Variants in HOXD10 observed in about 807,000 individuals in gnomAD.
The protein encoded by HOXD10 is homeobox D10.
HOXD10 carries 15 observed loss-of-function variants against 27.0 expected under a neutral mutation model. The observed-to-expected ratio is 0.56, with a 90% confidence interval of 0.37 to 0.85. The LOEUF (loss-of-function observed/expected upper bound fraction) is 0.85, where lower values mean the gene tolerates loss of function less well. HOXD10 is among the 40% of genes least tolerant of loss of function. The pLI is 0.00. For synonymous variants in HOXD10, 178 were observed against 160.9 expected (o/e 1.11, Z -0.80); for missense variants, 440 against 430.4 (o/e 1.02, Z -0.20).
Position 176,117,062 on chromosome 2 carries a change from C to T in HOXD10, c.229C>T (p.Gln77Ter). The T allele has an allele frequency of 6.2e-7, 1 of 1,614,170 alleles. No homozygotes were observed. The highest frequency in any genetic ancestry group is 8.5e-7 in the Non-Finnish European group (1 of 1,180,024). The change falls in exon 1 of 2, where the codon CAA (glutamine) becomes TAA (stop). Residue 77 changes from glutamine (Q) to a stop codon, truncating the protein, a stop_gained. Coordinates refer to ENST00000249501, the MANE Select transcript of HOXD10 (RefSeq NM_002148.4). LOFTEE classifies it high-confidence loss of function. ...TATGAATGTGCATCCTTATATACCTCAAGTAGACAGTTGGACAGATCCGAA... is the reference window on the plus strand; with the variant it reads ...TATGAATGTGCATCCTTATATACCTTAAGTAGACAGTTGGACAGATCCGAA... ...MGMNVHPYIP[Q>*]VDSWTDPNRS... is the part of the protein sequence containing the mutation.
In HOXD10 at chr2:176,119,033, G is replaced by A. The variant is rs566157436; in HGVS notation, c.825G>A (p.Lys275=). ...SGRKKRCPYT[K]HQTLELEKEF... ...GAAAGAAGAGGTGCCCTTACACTAA[G>A]CACCAAACGCTGGAATTAGAAAAAG... Residue 275 remains lysine (K), a synonymous_variant, in exon 2 of 2, where the codon AAG becomes AAA. Transcript: ENST00000249501. 2 of 1,613,960 alleles carry A rather than the reference G, an allele frequency of 1.2e-6. No individual in the cohort carries two copies. Among genetic ancestry groups the A allele is most frequent in the African/African-American group, 1.3e-5 (1 of 75,012 alleles).
chr2:176,118,252 G>A (rs968600922), intron 1 of HOXD10, among the ~76,000 whole-genome samples: 11 of 152,220 alleles, frequency 7.2e-5, no homozygotes, highest in Admixed American at 1.3e-4. Context: ...CTGGCTTTTT[G>A]AGAAGGAACC....
In HOXD10 at chr2:176,116,928, C is replaced by T. The variant is rs757662934; in HGVS notation, c.95C>T (p.Ala32Val). 27 of 1,613,994 alleles carry T rather than the reference C, an allele frequency of 1.7e-5. No homozygotes were observed. Among genetic ancestry groups the T allele is most frequent in the Non-Finnish European group, 2.2e-5 (26 of 1,180,002 alleles). The change falls in exon 1 of 2, where the codon GCC becomes GTC. Residue 32 changes from alanine to valine, a missense_variant. Transcript: ENST00000249501. ...CRSDSFYSSSASMYMPPPSAD... is the reference protein window; with the variant it reads ...CRSDSFYSSSVSMYMPPPSAD... The stretch of plus-strand genomic sequence containing the variant: ...AGTGACAGTTTTTATTCCAGCAGCG[C>T]CAGCATGTACATGCCACCACCTAGC...
chr2:176,119,330 C>T lies in HOXD10; in HGVS notation c.*99C>T, dbSNP rs1306881165. The T allele has an allele frequency of 2.2e-5, 26 of 1,192,622 alleles. No individual in the cohort carries two copies. Among genetic ancestry groups the T allele is most frequent in the Non-Finnish European group, 3.2e-5 (26 of 820,208 alleles). The allele number at this position is 1,192,622 out of a possible 1,614,324, so 73.9% of individuals were successfully genotyped here. On this transcript the variant is annotated 3_prime_UTR_variant, in exon 2 of 2. Transcript: ENST00000249501. ...GAGGACTGGGAAAGCGGAAACAAAA[C>T]CTTCACCGCTCTTTGTTTGTTGTTT... is the stretch of plus-strand genomic sequence containing the variant.
chr2:176,119,185 G>A lies in HOXD10; in HGVS notation c.977G>A (p.Arg326Gln), dbSNP rs1401258981. The A allele has an allele frequency of 6.2e-7, 1 of 1,613,858 alleles. No homozygotes were observed. The highest frequency in any genetic ancestry group is 8.5e-7 in the Non-Finnish European group (1 of 1,180,002). The change falls in exon 2 of 2, where the codon CGA (arginine) becomes CAA (glutamine). Residue 326 changes from arginine (R) to glutamine (Q), a missense_variant. By Grantham distance (43) the Arg-to-Gln change is conservative (BLOSUM62 1). Coordinates refer to ENST00000249501, the MANE Select transcript of HOXD10 (RefSeq NM_002148.4). Reference protein sequence around the residue: ...NRRMKLKKMSRENRIRELTAN... With the variant: ...NRRMKLKKMSQENRIRELTAN... ...CGAATGAAACTCAAGAAGATGAGCCGAGAGAACCGGATCCGAGAACTGACC... is the reference window on the plus strand; with the variant it reads ...CGAATGAAACTCAAGAAGATGAGCCAAGAGAACCGGATCCGAGAACTGACC...
At chr2:176,118,262 C>T (rs768510480) in intron 1 of HOXD10, among the ~76,000 whole-genome samples, 58 of 152,164 alleles carry the variant, frequency 3.8e-4, no homozygotes, top group Non-Finnish European at 8.4e-4. Context: ...GAGAAGGAAC[C>T]CTCCTCCTCT....
chr2:176,117,033 T>G lies in HOXD10; in HGVS notation c.200T>G (p.Met67Arg). 6.2e-7 allele frequency: 1 copy of G among 1,614,176 alleles called. No individual in the cohort carries two copies. The highest frequency in any genetic ancestry group is 8.5e-7 in the Non-Finnish European group (1 of 1,180,036). Residue 67 changes from methionine (M) to arginine (R), a missense_variant, in exon 1 of 2, where the codon ATG (methionine) becomes AGG (arginine). Met to Arg is a moderately conservative substitution (Grantham distance 91). Transcript: ENST00000249501. ...AAAAGAGAAGTGAACCACCAAAATA[T>G]GGGTATGAATGTGCATCCTTATATA... Reference protein sequence around the residue: ...LAKREVNHQNMGMNVHPYIPQ... With the variant: ...LAKREVNHQNRGMNVHPYIPQ...
rs1689820511 is a variant in HOXD10 at position 176,119,135 on chromosome 2, G to A, written c.927G>A (p.Gln309=). The A allele has an allele frequency of 4.3e-6, 7 of 1,614,012 alleles. No individual in the cohort carries two copies. The highest frequency in any genetic ancestry group is 1.3e-5 in the African/African-American group (1 of 74,984). ...AGAGCGTTAACCTCACCGACAGGCA[G>A]GTCAAGATTTGGTTTCAAAACCGCC... The part of the protein sequence containing the change: ...ISKSVNLTDR[Q]VKIWFQNRRM... The change falls in exon 2 of 2, where the codon CAG becomes CAA. Residue 309 remains glutamine, a synonymous_variant. Coordinates refer to ENST00000249501, the MANE Select transcript of HOXD10 (RefSeq NM_002148.4).
At chr2:176,117,980 G>A (rs914159755) in intron 1 of HOXD10, among the ~76,000 whole-genome samples, 1 of 152,242 alleles carries the variant, frequency 6.6e-6, no homozygotes, top group Non-Finnish European at 1.5e-5. Flanking sequence ...CACCGTGTTC[G>A]TGTTCAAGTG....
Position 176,116,898 on chromosome 2 carries a change from G to A in HOXD10, c.65G>A (p.Cys22Tyr). The change falls in exon 1 of 2, where the codon TGC (cysteine) becomes TAC (tyrosine). Residue 22 changes from cysteine to tyrosine, a missense_variant. Cys to Tyr is a radical substitution (Grantham distance 194, BLOSUM62 -2). Transcript: ENST00000249501. ...TTAGTAGATTCCTTGATCAGTGCCTGCAGGAGTGACAGTTTTTATTCCAGC... is the reference window on the plus strand; with the variant it reads ...TTAGTAGATTCCTTGATCAGTGCCTACAGGAGTGACAGTTTTTATTCCAGC... ...TFLVDSLISA[C>Y]RSDSFYSSSA... 2 of 1,614,070 alleles carry A rather than the reference G, an allele frequency of 1.2e-6. No homozygotes were observed. Among genetic ancestry groups the A allele is most frequent in the Non-Finnish European group, 1.7e-6 (2 of 1,179,928 alleles).
rs779016325 is a variant in HOXD10 at position 176,117,491 on chromosome 2, G to A, written c.658G>A (p.Glu220Lys). 2 of 1,613,168 alleles carry A rather than the reference G, an allele frequency of 1.2e-6. No homozygotes were observed. The highest frequency in any genetic ancestry group is 2.2e-5 in the East Asian group (1 of 44,890). ...PTKVSQVESP[E>K]AKGGLPEERS... ...CAAAGTCTCCCAGGTGGAGAGCCCCGAGGCCAAAGGCGGCCTTCCCGAAGA... is the reference window on the plus strand; with the variant it reads ...CAAAGTCTCCCAGGTGGAGAGCCCCAAGGCCAAAGGCGGCCTTCCCGAAGA... Residue 220 changes from glutamate to lysine, a missense_variant, in exon 1 of 2, where the codon GAG becomes AAG. Coordinates refer to ENST00000249501, the MANE Select transcript of HOXD10 (RefSeq NM_002148.4).
Position 176,119,429 on chromosome 2 carries a change from C to T in HOXD10, c.*198C>T, listed in dbSNP as rs1237569749. On this transcript the variant is annotated 3_prime_UTR_variant, in exon 2 of 2. Coordinates refer to ENST00000249501, the MANE Select transcript of HOXD10 (RefSeq NM_002148.4). ...TCGTGCTGCAAGTGATCTGTAATCC[C>T]TATGAGTATATATATATATATATAT... 3 of 275,616 alleles carry T rather than the reference C, an allele frequency of 1.1e-5. No homozygotes were observed. The highest frequency in any genetic ancestry group is 1.2e-4 in the Admixed American group (2 of 16,356). 17.1% of individuals were successfully genotyped at this position (275,616 alleles called of 1,614,324 possible). A position where few individuals can be genotyped will look rare whatever the true frequency, so the allele number is the denominator to read the frequency against.
intron 1 of HOXD10, 52 bp downstream of exon 1, chr2:176,117,630 G>A (rs888971397): frequency 2.5e-6 from 4 of 1,601,654 alleles, no homozygotes; most frequent in South Asian, 1.1e-5. Context: ...CCGGGAACCC[G>A]GCAGAGAGGG....
Position 176,117,578 on chromosome 2 carries a change from G to C in HOXD10, c.745G>C (p.Glu249Gln). The change falls in exon 1 of 2, where the codon GAG (glutamate) becomes CAG (glutamine). Residue 249 changes from glutamate (E) to glutamine (Q), a missense_variant and splice_region_variant. Physicochemically the swap from Glu to Gln is conservative, Grantham distance 29. Coordinates refer to ENST00000249501, the MANE Select transcript of HOXD10 (RefSeq NM_002148.4). ...CGAAGTGCAGGAGAAGGAAAGCAAAGGTCGGTATGAGCAGAGTTGCCACCC... is the reference window on the plus strand; with the variant it reads ...CGAAGTGCAGGAGAAGGAAAGCAAACGTCGGTATGAGCAGAGTTGCCACCC... ...SPEVQEKESK[E>Q]EIKSDTPTSN... The C allele has an allele frequency of 6.2e-7, 1 of 1,612,982 alleles. No individual in the cohort carries two copies. The highest frequency in any genetic ancestry group is 8.5e-7 in the Non-Finnish European group (1 of 1,180,050).
chr2:176,117,690 C>A, intron 1 of HOXD10, 112 bp downstream of exon 1: 1 of 1,230,438 alleles, frequency 8.1e-7, no homozygotes, highest in Non-Finnish European at 1.2e-6. Flanking sequence ...GCAGGTGCTG[C>A]TCCGCCTGGT....
Position 176,119,863 on chromosome 2 carries a change from T to C in HOXD10, c.*632T>C, listed in dbSNP as rs1444869492. On this transcript the variant is annotated 3_prime_UTR_variant, in exon 2 of 2. Coordinates refer to ENST00000249501, the MANE Select transcript of HOXD10 (RefSeq NM_002148.4). ...CCCTTGTGGTGCATCTGTGGTTTGG[T>C]AGAAGTACAACAGCAACCTGTCCTT... 6.6e-6 allele frequency: 1 copy of C among 152,638 alleles called. No homozygotes were observed. Among genetic ancestry groups the C allele is most frequent in the Non-Finnish European group, 1.5e-5 (1 of 68,042 alleles). The allele number at this position is 152,638 out of a possible 1,614,324, so 9.5% of individuals were successfully genotyped here. A position where few individuals can be genotyped will look rare whatever the true frequency, so the allele number is the denominator to read the frequency against.
At chr2:176,118,671 C>T (rs1028614865) in intron 1 of HOXD10, among the ~76,000 whole-genome samples, 3 of 152,090 alleles carry the variant, frequency 2.0e-5, no homozygotes, top group Non-Finnish European at 4.4e-5. Flanking sequence ...AAAGAGAGAG[C>T]GAGAACCCAA....
rs763788485 is a variant in HOXD10, at chr2:176,117,380, C to T, written c.547C>T (p.Arg183Cys). ...SSTVMLQLNP[R>C]GAAKPQLSAA... is the part of the protein sequence containing the mutation. ...CACTGTCATGCTCCAGCTCAACCCT[C>T]GTGGCGCGGCCAAGCCGCAGCTCTC... The change falls in exon 1 of 2, where the codon CGT becomes TGT. Residue 183 changes from arginine (R) to cysteine (C), a missense_variant. By Grantham distance (180) the Arg-to-Cys change is radical. Coordinates refer to ENST00000249501, the MANE Select transcript of HOXD10 (RefSeq NM_002148.4). The T allele has an allele frequency of 6.2e-7, 1 of 1,613,390 alleles. No homozygotes were observed. Among genetic ancestry groups the T allele is most frequent in the South Asian group, 1.1e-5 (1 of 91,088 alleles).
chr2:176,119,459 ATATAT>A lies in HOXD10; in HGVS notation c.*229_*233del, dbSNP rs1429021643. On this transcript the variant is annotated 3_prime_UTR_variant, in exon 2 of 2. Coordinates refer to ENST00000249501, the MANE Select transcript of HOXD10 (RefSeq NM_002148.4). The stretch of plus-strand genomic sequence containing the variant: ...AGTATATATATATATATATATATAT[ATATAT>A]AAAAACTTAGCACGTGTAATTTATT... The A allele has an allele frequency of 4.1e-5, 6 of 147,228 alleles. No individual in the cohort carries two copies. The highest frequency in any genetic ancestry group is 8.4e-5 in the Non-Finnish European group (6 of 71,154). The allele number at this position is 147,228 out of a possible 1,614,324, so 9.1% of individuals were successfully genotyped here.
Sources: allele counts gnomAD v4.1 joint callset (sites outside exome capture counted in the v4.1 genomes callset), GRCh38; gene constraint gnomAD v4.1.1; transcripts MANE v1.5; gene names NCBI Gene and HGNC (gene_info 2026-07-23, HGNC 2026-07-21).